ACSS3: variants seen among roughly 807,000 people sequenced by gnomAD.
The protein encoded by ACSS3 is acyl-CoA synthetase short-chain family member 3, mitochondrial.
ACSS3 carries 64 observed loss-of-function variants against 84.2 expected under a neutral mutation model. That is an observed-to-expected ratio of 0.76 (90% CI 0.62 to 0.94). The LOEUF (loss-of-function observed/expected upper bound fraction) is 0.94. Ranked by LOEUF, ACSS3 falls within the 40% of genes least tolerant of loss-of-function variation. The pLI is 0.00. For missense variants in ACSS3, 815 were observed against 867.6 expected (o/e 0.94, Z 0.76); for synonymous variants, 317 against 310.1 (o/e 1.02, Z -0.23).
In ACSS3 at chr12:81,174,843, A is replaced by G. The variant is rs763643365; in HGVS notation, c.1154A>G (p.His385Arg). ...AGAYFRVLAE[H>R]GVAALFTAPT... is the part of the protein sequence containing the mutation. ...GCTTATTTCCGTGTGCTTGCAGAGC[A>G]TGGAGTAGCTGCCTTGTTTACAGCA... The change falls in exon 8 of 16, where the codon CAT (histidine) becomes CGT (arginine). Residue 385 changes from histidine to arginine, a missense_variant. Transcript: ENST00000548058. 3 of 1,613,980 alleles carry G rather than the reference A, an allele frequency of 1.9e-6. No homozygotes were observed. The highest frequency in any genetic ancestry group is 2.5e-6 in the Non-Finnish European group (3 of 1,179,940).
chr12:81,138,255 T>G (rs767292652), intron 3 of ACSS3, among the ~76,000 whole-genome samples: 11 of 152,230 alleles, frequency 7.2e-5, no homozygotes, highest in Non-Finnish European at 1.3e-4. Flanking sequence ...TGCAAATTAA[T>G]GAGTTCCGCA....
At chr12:81,137,847 A>C (rs540653856) in intron 3 of ACSS3, among the ~76,000 whole-genome samples, 3 of 152,258 alleles carry the variant, frequency 2.0e-5, no homozygotes, top group Non-Finnish European at 2.9e-5. Context: ...CTGACCTTTA[A>C]AAATATAATA....
intron 2 of ACSS3, among the ~76,000 whole-genome samples, chr12:81,121,396 GA>G (rs934496770): frequency 6.0e-5 from 9 of 149,736 alleles, no homozygotes; most frequent in East Asian, 1.9e-4. Flanking sequence ...TTCTTTAAGA[GA>G]AAAAAAGCCT....
chr12:81,077,952 G>A, upstream of ACSS3: 2 of 739,390 alleles, frequency 2.7e-6, no homozygotes, highest in African/African-American at 1.8e-5. Flanking sequence ...TTGCTTCTCT[G>A]GTCGCTCCAG....
chr12:81,256,325 A>G lies in ACSS3; in HGVS notation c.*1403A>G, dbSNP rs1593250038. 6.6e-6 allele frequency: 1 copy of G among 152,182 alleles called. No homozygotes were observed. Among genetic ancestry groups the G allele is most frequent in the Admixed American group, 6.5e-5 (1 of 15,272 alleles). 9.4% of individuals were successfully genotyped at this position (152,182 alleles called of 1,614,324 possible). ...TAAAAATATTGTAATGTCCAAAAGT[A>G]TCTTTCCATTTAACTTCTAAAAATC... On this transcript the variant is annotated 3_prime_UTR_variant, in exon 16 of 16. Transcript: ENST00000548058.
At chr12:81,206,499 A>G (rs2032353554) in intron 9 of ACSS3, among the ~76,000 whole-genome samples, 1 of 152,016 alleles carries the variant, frequency 6.6e-6, no homozygotes, top group Non-Finnish European at 1.5e-5. Flanking sequence ...TCTTTCATTC[A>G]TAGAAAAGAT....
intron 11 of ACSS3, among the ~76,000 whole-genome samples, chr12:81,223,287 G>A (rs1007630254): frequency 6.6e-6 from 1 of 151,990 alleles, no homozygotes; most frequent in Non-Finnish European, 1.5e-5. Flanking sequence ...GAGTTGTATG[G>A]AATTGTCTGA....
intron 5 of ACSS3, among the ~76,000 whole-genome samples, chr12:81,144,592 T>G (rs1420788692): frequency 1.2e-4 from 4 of 33,096 alleles, no homozygotes; most frequent in Non-Finnish European, 7.5e-4. Context: ...AATATAAAAG[T>G]ATCAACTGAG....
Position 81,199,396 on chromosome 12 carries a change from T to A in ACSS3, c.1306T>A (p.Ser436Thr). Residue 436 changes from serine (S) to threonine (T), a missense_variant, in exon 9 of 16, where the codon TCC becomes ACC. Coordinates refer to ENST00000548058, the MANE Select transcript of ACSS3 (RefSeq NM_024560.4). ...ATGTGATGTAGAGACCCTGGAATGG[T>A]CCAAAAATGTCTTCAGAGTACCTGT... ...ERCDVETLEW[S>T]KNVFRVPVLD... The A allele has an allele frequency of 6.2e-7, 1 of 1,613,716 alleles. No homozygotes were observed. The highest frequency in any genetic ancestry group is 8.5e-7 in the Non-Finnish European group (1 of 1,179,760).
chr12:81,125,891 T>G (rs1885059345), intron 2 of ACSS3: 1 of 152,224 alleles, frequency 6.6e-6, no homozygotes, highest in Non-Finnish European at 1.5e-5. Context: ...ATTTCTCAAA[T>G]AAGCTTATTT....
chr12:81,109,982 T>C (rs1006877138), intron 2 of ACSS3, among the ~76,000 whole-genome samples: 2 of 152,168 alleles, frequency 1.3e-5, no homozygotes, highest in Non-Finnish European at 2.9e-5. Flanking sequence ...TGGTCTTTAC[T>C]CTTCATCCAC....
At chr12:81,246,049 CA>C (rs1386185833) in intron 13 of ACSS3, among the ~76,000 whole-genome samples, 1 of 152,116 alleles carries the variant, frequency 6.6e-6, no homozygotes, top group African/African-American at 2.4e-5. Flanking sequence ...AGTTGCCTAA[CA>C]CATGCCAGGG....
At chr12:81,173,524 AT>A (rs1320886953) in intron 7 of ACSS3, among the ~76,000 whole-genome samples, 3 of 144,870 alleles carry the variant, frequency 2.1e-5, no homozygotes, top group African/African-American at 8.1e-5. Flanking sequence ...TAATAAAAAA[AT>A]AGTGTCCTAT....
At chr12:81,102,785 C>T (rs925932974) in intron 1 of ACSS3, among the ~76,000 whole-genome samples, 6 of 151,074 alleles carry the variant, frequency 4.0e-5, no homozygotes, top group Middle Eastern at 3.4e-3. Flanking sequence ...GCCGAGATCA[C>T]GCCACTGCAC....
At chr12:81,130,473 GT>G (rs1391842626) in intron 2 of ACSS3, among the ~76,000 whole-genome samples, 1 of 152,106 alleles carries the variant, frequency 6.6e-6, no homozygotes, top group African/African-American at 2.4e-5. Flanking sequence ...TGATGGGGTT[GT>G]TTGATTTTTT....
rs544635670 is a variant in ACSS3, at chr12:81,149,777, G to A, written c.922-2067G>A. The stretch of plus-strand genomic sequence containing the variant: ...TTTGACGGCAACCTCTAATTATTTT[G>A]ACATTTATGCCTTTTGACTGATAGG... On this transcript the variant is annotated intron_variant, in intron 5 of 15. Transcript: ENST00000548058. 4.8e-4 allele frequency among the ~76,000 whole-genome samples: 73 copies of A among 152,102 alleles called. 2 individuals are homozygous for A. Among genetic ancestry groups the A allele is most frequent in the Admixed American group, 2.6e-3 (40 of 15,262 alleles).
intron 2 of ACSS3, among the ~76,000 whole-genome samples, chr12:81,119,780 A>T (rs1379074149): frequency 1.3e-5 from 2 of 152,104 alleles, no homozygotes; most frequent in Non-Finnish European, 2.9e-5. Context: ...CTGATTTCAT[A>T]TTGTTCAAGC....
At chr12:81,247,187 G>T (rs983864460) in intron 13 of ACSS3, among the ~76,000 whole-genome samples, 1 of 152,134 alleles carries the variant, frequency 6.6e-6, no homozygotes, top group Non-Finnish European at 1.5e-5. Flanking sequence ...GTTGGCAAAA[G>T]ATGGTTCTGG....
chr12:81,125,270 A>T (rs1885004022), intron 2 of ACSS3, among the ~76,000 whole-genome samples: 1 of 152,118 alleles, frequency 6.6e-6, no homozygotes, highest in East Asian at 1.9e-4. Context: ...ACTACTAGCT[A>T]GTTTCTTATC....
Sources: allele counts gnomAD v4.1 joint callset (sites outside exome capture counted in the v4.1 genomes callset), GRCh38; gene constraint gnomAD v4.1.1; transcripts MANE v1.5; gene names NCBI Gene and HGNC (gene_info 2026-07-23, HGNC 2026-07-21).